The following MTUS2 variants were observed in gnomAD, a reference collection of about 807,000 sequenced individuals.
The protein encoded by MTUS2 is microtubule associated scaffold protein 2.
Under a neutral mutation model 114.1 loss-of-function variants are expected in MTUS2, and 40 were observed. The ratio of observed to expected loss-of-function variants is 0.35; its 90% CI spans 0.27 to 0.46. The LOEUF is 0.46. Ranked by LOEUF, MTUS2 falls within the 20% of genes least tolerant of loss-of-function variation. The pLI is 1.00. For synonymous variants in MTUS2, 688 were observed against 672.0 expected (o/e 1.02, Z -0.37); for missense variants, 1,679 against 1,705.4 (o/e 0.98, Z 0.27).
At chr13:28,855,260 T>A (rs1327609232) in intron 2 of MTUS2, among the ~76,000 whole-genome samples, 2 of 152,214 alleles carry the variant, frequency 1.3e-5, no homozygotes, top group African/African-American at 2.4e-5. Context: ...GTCATTTTTT[T>A]AAATTAAATT....
chr13:29,329,871 C>T (rs1006546588), intron 7 of MTUS2, among the ~76,000 whole-genome samples: 3 of 152,162 alleles, frequency 2.0e-5, no homozygotes, highest in African/African-American at 7.2e-5. Flanking sequence ...ATCTCAGCCT[C>T]CCACAGTGCT....
chr13:29,441,558 C>CCAT (rs1877876215), intron 9 of MTUS2, among the ~76,000 whole-genome samples: 2 of 70,524 alleles, frequency 2.8e-5, no homozygotes, highest in African/African-American at 4.2e-5. Flanking sequence ...AATGTGGCCA[C>CCAT]GCCTCATGAT....
intron 2 of MTUS2, among the ~76,000 whole-genome samples, chr13:28,874,019 T>A (rs1201644973): frequency 6.6e-6 from 1 of 152,208 alleles, no homozygotes; most frequent in Non-Finnish European, 1.5e-5. Flanking sequence ...TGAGATGAAC[T>A]TAATTTTTTC....
At chr13:29,165,078 T>C (rs1195923231) in intron 5 of MTUS2, among the ~76,000 whole-genome samples, 3 of 152,202 alleles carry the variant, frequency 2.0e-5, no homozygotes, top group Non-Finnish European at 1.5e-5. Context: ...CAGCAGGAGC[T>C]ATGGAACTGT....
chr13:29,368,713 T>G (rs1870949423), intron 8 of MTUS2, among the ~76,000 whole-genome samples: 1 of 152,184 alleles, frequency 6.6e-6, no homozygotes, highest in Non-Finnish European at 1.5e-5. Context: ...CTGTGTTGAT[T>G]TCTGGGACTC....
At chr13:28,907,195 C>G (rs2137990333) in intron 2 of MTUS2, among the ~76,000 whole-genome samples, 1 of 151,570 alleles carries the variant, frequency 6.6e-6, no homozygotes, top group East Asian at 1.9e-4. Flanking sequence ...TACAGACAAG[C>G]AAATGCTGAG....
At position 28,825,101 on chromosome 13, in the gene MTUS2, C is replaced by T. The variant is rs572349328; in HGVS notation, c.-316+4490C>T. ...TTTTCCTCATGACAGCAGCCCCATC[C>T]CCCACTCCAGCCACCTGAGGCTGCC... On this transcript the variant is annotated intron_variant, in intron 1 of 15. Transcript: ENST00000612955. Among the ~76,000 whole-genome samples, 6 of 152,268 alleles carry T rather than the reference C, an allele frequency of 3.9e-5. No individual in the cohort carries two copies. The South Asian group carries it at 1.2e-3, about 32-fold the overall frequency.
At position 29,332,783 on chromosome 13, in the gene MTUS2, C is replaced by T. The variant is rs1024293545; in HGVS notation, c.2905+8072C>T. ...CCGAGTAGCTGGGACTACAGGCGCC[C>T]GCCACTACACCCGGCTAATTTTTTT... On this transcript the variant is annotated intron_variant, in intron 7 of 15. Coordinates refer to ENST00000612955, the MANE Select transcript of MTUS2 (RefSeq NM_001033602.4). 2.4e-4 allele frequency among the ~76,000 whole-genome samples: 36 copies of T among 151,804 alleles called. 1 individual carries two copies. Among genetic ancestry groups the T allele is most frequent in the Admixed American group, 1.7e-3 (26 of 15,222 alleles).
rs77294005 is a variant in MTUS2, at chr13:29,232,369, G to A, written c.2645-49335G>A. On this transcript the variant is annotated intron_variant, in intron 5 of 15. Transcript: ENST00000612955. ...ACACACATGTATATTGTGCTGATTG[G>A]GCTTGTGTCAGTTTAAAACCTCAGT... 8.8e-4 allele frequency among the ~76,000 whole-genome samples: 134 copies of A among 151,892 alleles called. 1 individual carries two copies. In the East Asian group the frequency reaches 0.023, roughly 26 times the overall value.
chr13:29,108,515 T>C (rs1890758803), intron 5 of MTUS2, among the ~76,000 whole-genome samples: 1 of 152,224 alleles, frequency 6.6e-6, no homozygotes, highest in Admixed American at 6.5e-5. Flanking sequence ...GATTATCTGC[T>C]TACCCTTTCC....
intron 4 of MTUS2, among the ~76,000 whole-genome samples, chr13:29,052,069 G>A (rs778434364): frequency 2.0e-5 from 3 of 152,056 alleles, no homozygotes; most frequent in Admixed American, 6.5e-5. Flanking sequence ...AAATGTGTTC[G>A]GGGTCACAAA....
chr13:29,436,184 C>T (rs112964681), intron 8 of MTUS2, among the ~76,000 whole-genome samples: 13 of 152,212 alleles, frequency 8.5e-5, no homozygotes, highest in African/African-American at 3.1e-4. Flanking sequence ...AGATCCAGGC[C>T]GAGGCTCAGT....
intron 5 of MTUS2, among the ~76,000 whole-genome samples, chr13:29,272,030 A>T (rs2139506020): frequency 6.6e-6 from 1 of 152,328 alleles, no homozygotes; most frequent in South Asian, 2.1e-4. Context: ...GTGGTATCTC[A>T]ACTTTTCTTA....
At chr13:29,027,094 G>A (rs1886595423) in intron 3 of MTUS2, among the ~76,000 whole-genome samples, 191 bp downstream of exon 3, 1 of 152,162 alleles carries the variant, frequency 6.6e-6, no homozygotes, top group Admixed American at 6.5e-5. Context: ...AACTAGAAGA[G>A]TCTGATTATC....
At chr13:29,287,176 C>T (rs1345221993) in intron 6 of MTUS2, among the ~76,000 whole-genome samples, 2 of 152,170 alleles carry the variant, frequency 1.3e-5, no homozygotes, top group African/African-American at 4.8e-5. Flanking sequence ...TGTTCCCAGT[C>T]CTTTTCTTAT....
intron 3 of MTUS2, among the ~76,000 whole-genome samples, chr13:29,033,091 T>C (rs1374269799): frequency 6.6e-6 from 1 of 152,214 alleles, no homozygotes; most frequent in Non-Finnish European, 1.5e-5. Context: ...GTTATGTTAT[T>C]ATTAAACTTA....
At chr13:29,489,223 G>T (rs1459700561) in intron 11 of MTUS2, among the ~76,000 whole-genome samples, 2 of 152,094 alleles carry the variant, frequency 1.3e-5, no homozygotes, top group Admixed American at 1.3e-4. Context: ...AGTGAGTCAA[G>T]ATTGCGCCAT....
intron 5 of MTUS2, among the ~76,000 whole-genome samples, chr13:29,213,247 G>T (rs1403945376): frequency 6.6e-6 from 1 of 152,134 alleles, no homozygotes; most frequent in Non-Finnish European, 1.5e-5. Flanking sequence ...ATCGAGCCTT[G>T]TTTTATGACC....
chr13:29,148,699 C>T (rs1474439633), intron 5 of MTUS2, among the ~76,000 whole-genome samples: 3 of 120,498 alleles, frequency 2.5e-5, no homozygotes, highest in Admixed American at 8.9e-5. Context: ...GGGATGGTCT[C>T]GATCTCCTGA....
Sources: allele counts gnomAD v4.1 joint callset (sites outside exome capture counted in the v4.1 genomes callset), GRCh38; gene constraint gnomAD v4.1.1; transcripts MANE v1.5; gene names NCBI Gene and HGNC (gene_info 2026-07-23, HGNC 2026-07-21).